EPHX1: variants seen among roughly 807,000 people sequenced by gnomAD.
EPHX1 encodes epoxide hydrolase 1.
In EPHX1, 40 loss-of-function variants were observed where a neutral mutation model predicts 43.2. The ratio of observed to expected loss-of-function variants is 0.93; its 90% CI spans 0.72 to 1.21. The LOEUF is 1.21. Ranked by LOEUF, EPHX1 falls within the 50% of genes most tolerant of loss-of-function variation. The pLI, the probability that EPHX1 is intolerant of heterozygous loss-of-function variation, is 0.00. For missense variants in EPHX1, 550 were observed against 570.4 expected, an observed-to-expected ratio of 0.96 and a Z score of 0.36; for synonymous variants, 221 against 226.7, an observed-to-expected ratio of 0.98 and a Z score of 0.22.
At chr1:225,845,106 G>T in intron 8 of EPHX1, 40 bp from the exon 9 acceptor site, 1 of 1,607,234 alleles carries the variant, frequency 6.2e-7, no homozygotes. Flanking sequence ...AGGGGCGCAG[G>T]GCCACAGCCT....
chr1:225,839,011 GA>G lies in EPHX1; in HGVS notation c.592+131del, dbSNP rs749687956. The G allele has an allele frequency of 2.1e-3, 2,820 of 1,342,490 alleles. 7 individuals are homozygous for G. The highest frequency in any genetic ancestry group is 2.7e-3 in the Non-Finnish European group (2,596 of 960,670). 83.2% of individuals were successfully genotyped at this position (1,342,490 alleles called of 1,614,324 possible). A position where few individuals can be genotyped will look rare whatever the true frequency, so the allele number is the denominator to read the frequency against. The stretch of plus-strand genomic sequence containing the variant: ...GAGGAAGCTGGGAAAGGAGGGGCCT[GA>G]GAGGCCGGCCCCAGACACACCGCCC... On this transcript the variant is annotated intron_variant, in intron 4 of 8. Transcript: ENST00000272167.
intron 1 of EPHX1, among the ~76,000 whole-genome samples, chr1:225,813,909 A>G (rs1163529455): frequency 6.6e-6 from 1 of 152,170 alleles, no homozygotes. Context: ...TGAGGAGTTA[A>G]AGAGACTTCT....
intron 1 of EPHX1, among the ~76,000 whole-genome samples, chr1:225,811,521 G>C (rs920806212): frequency 2.0e-5 from 3 of 151,994 alleles, no homozygotes; most frequent in Admixed American, 6.5e-5. Flanking sequence ...ATGAGCTGTT[G>C]GTGGAAAATT....
At chr1:225,825,206 G>C (rs1045681423) in intron 1 of EPHX1, 4 of 152,190 alleles carry the variant, frequency 2.6e-5, no homozygotes, top group African/African-American at 9.7e-5. Flanking sequence ...GTATCTCTCA[G>C]GTCAGCGTGG....
At chr1:225,816,979 C>G (rs571490348) in intron 1 of EPHX1, among the ~76,000 whole-genome samples, 1 of 152,362 alleles carries the variant, frequency 6.6e-6, no homozygotes, top group South Asian at 2.1e-4. Flanking sequence ...CCCAAGAAGG[C>G]TGTCTCCTGA....
At chr1:225,832,231 G>A (rs951472225) in intron 3 of EPHX1, 7 of 443,806 alleles carry the variant, frequency 1.6e-5, no homozygotes, top group Admixed American at 3.3e-5. Flanking sequence ...TCTTTGAGAG[G>A]AAGGATGGAG....
chr1:225,820,045 C>T (rs2102691484), intron 1 of EPHX1, among the ~76,000 whole-genome samples: 1 of 152,294 alleles, frequency 6.6e-6, no homozygotes, highest in East Asian at 1.9e-4. Flanking sequence ...TCTGGGCCAC[C>T]TTTCTTCACT....
rs114057591 is a variant in EPHX1, at chr1:225,812,747, A to G, written c.-6+2578A>G. 7.2e-3 allele frequency among the ~76,000 whole-genome samples: 1,095 copies of G among 152,308 alleles called. 5 individuals carry two copies. The highest frequency in any genetic ancestry group is 0.011 in the Non-Finnish European group (723 of 68,020). On this transcript the variant is annotated intron_variant, in intron 1 of 8. Transcript: ENST00000272167. ...ACATGGATCACAGCTGGGTGTACCA[A>G]ATAAGGGAGGACCAAGCATGAGCTG...
In EPHX1 at chr1:225,845,507, C is replaced by T. The variant is rs1381810714; in HGVS notation, c.*160C>T. On this transcript the variant is annotated 3_prime_UTR_variant, in exon 9 of 9. Coordinates refer to ENST00000272167, the MANE Select transcript of EPHX1 (RefSeq NM_001136018.4). Reference sequence around the variant, plus strand: ...CACCCCTCCAAGCTCACTCCCCAACCCCCAACTCCGTGTGGTAAGCAACAT... The same window carrying T: ...CACCCCTCCAAGCTCACTCCCCAACTCCCAACTCCGTGTGGTAAGCAACAT... 2.9e-6 allele frequency: 2 copies of T among 687,876 alleles called. No individual in the cohort carries two copies. Among genetic ancestry groups the T allele is most frequent in the Admixed American group, 5.2e-5 (2 of 38,586 alleles). 42.6% of individuals were successfully genotyped at this position (687,876 alleles called of 1,614,324 possible). A position where few individuals can be genotyped will look rare whatever the true frequency, so the allele number is the denominator to read the frequency against.
intron 6 of EPHX1, among the ~76,000 whole-genome samples, chr1:225,841,452 T>C (rs965753420): frequency 6.7e-6 from 1 of 149,432 alleles, no homozygotes; most frequent in Non-Finnish European, 1.5e-5. Flanking sequence ...CTGGCTAATG[T>C]TTTGTATTTT....
At chr1:225,833,468 C>T (rs1667732131) in intron 3 of EPHX1, among the ~76,000 whole-genome samples, 1 of 151,924 alleles carries the variant, frequency 6.6e-6, no homozygotes, top group African/African-American at 2.4e-5. Flanking sequence ...GACACCACTG[C>T]ACTGGGTGAC....
Position 225,839,878 on chromosome 1 carries a change from T to G in EPHX1, c.772T>G (p.Ser258Ala), listed in dbSNP as rs148730399. The change falls in exon 6 of 9, where the codon TCT (serine) becomes GCT (alanine). Residue 258 changes from serine to alanine, a missense_variant. Physicochemically the swap from Ser to Ala is moderately conservative, Grantham distance 99. Coordinates refer to ENST00000272167, the MANE Select transcript of EPHX1 (RefSeq NM_001136018.4). Reference sequence around the variant, plus strand: ...CATGGCTTTGGTTTTAAGCAACTTCTCTACCCTGACCCTCCTCCTGGGACA... The same window carrying G: ...CATGGCTTTGGTTTTAAGCAACTTCGCTACCCTGACCCTCCTCCTGGGACA... ...LNMALVLSNF[S>A]TLTLLLGQRF... 6 of 1,614,104 alleles carry G rather than the reference T, an allele frequency of 3.7e-6. No individual in the cohort carries two copies. In the African/African-American group the frequency reaches 6.7e-5, roughly 18 times the overall value.
intron 6 of EPHX1, among the ~76,000 whole-genome samples, chr1:225,841,883 C>T (rs1294899380): frequency 6.6e-5 from 10 of 152,174 alleles, no homozygotes; most frequent in African/African-American, 1.9e-4. Context: ...GGATTACAGG[C>T]ATGAGCCAAT....
chr1:225,811,036 C>T (rs925727585), intron 1 of EPHX1, among the ~76,000 whole-genome samples: 3 of 152,174 alleles, frequency 2.0e-5, no homozygotes, highest in Non-Finnish European at 2.9e-5. Flanking sequence ...GCCGCAGCCG[C>T]CGCCCGGCAC....
chr1:225,840,092 A>T lies in EPHX1; in HGVS notation c.931+55A>T, dbSNP rs1324751214. 4 of 1,580,248 alleles carry T rather than the reference A, an allele frequency of 2.5e-6. No individual in the cohort carries two copies. The South Asian group carries it at 4.5e-5, about 18-fold the overall frequency. ...GCCGGCTCCACTGGGGCAGGGAGAC[A>T]CCCGCGGGGTAACCTCACCACCCCA... On this transcript the variant is annotated intron_variant, in intron 6 of 8. Coordinates refer to ENST00000272167, the MANE Select transcript of EPHX1 (RefSeq NM_001136018.4).
chr1:225,818,510 G>T (rs1000351045), intron 1 of EPHX1, among the ~76,000 whole-genome samples: 1 of 152,160 alleles, frequency 6.6e-6, no homozygotes, highest in Admixed American at 6.5e-5. Context: ...GGTGGGAAGG[G>T]GAGGGAATAG....
At chr1:225,821,412 A>C (rs1478648488) in intron 1 of EPHX1, among the ~76,000 whole-genome samples, 1 of 151,516 alleles carries the variant, frequency 6.6e-6, no homozygotes, top group Non-Finnish European at 1.5e-5. Flanking sequence ...CACCCAGCTA[A>C]TTTTTGTGTT....
At chr1:225,834,107 AAAAAG>A (rs1339969951) in intron 3 of EPHX1, among the ~76,000 whole-genome samples, 2 of 81,560 alleles carry the variant, frequency 2.5e-5, no homozygotes, top group East Asian at 5.0e-4. Context: ...CAAAAAAAAA[AAAAAG>A]AAAAAAAAAA....
intron 2 of EPHX1, among the ~76,000 whole-genome samples, 178 bp downstream of exon 2, chr1:225,829,090 G>A (rs567737827): frequency 2.6e-5 from 4 of 152,092 alleles, no homozygotes; most frequent in Non-Finnish European, 5.9e-5. Context: ...GCTTTGGAGA[G>A]GGATGCCCAG....
Sources: gnomAD v4.1 joint callset for allele counts (sites outside exome capture counted in the v4.1 genomes callset) on GRCh38, gnomAD v4.1.1 for gene constraint, MANE v1.5 for transcripts, NCBI Gene and HGNC (gene_info 2026-07-23, HGNC 2026-07-21) for gene names.